Variants in IGSF10 observed in about 807,000 individuals in gnomAD.
The protein encoded by IGSF10 is calvaria mechanical force protein 608.
A neutral mutation model predicts 128.2 loss-of-function variants in IGSF10; 126 were observed. The observed-to-expected ratio is 0.98, with a 90% CI of 0.85 to 1.14. The LOEUF (loss-of-function observed/expected upper bound fraction) is 1.14. Ranked by LOEUF, IGSF10 falls within the 50% of genes most tolerant of loss-of-function variation. IGSF10 has a pLI of 0.00. For synonymous variants in IGSF10, 1,185 were observed against 1,146.2 expected, an observed-to-expected ratio of 1.03 and a Z score of -0.68; for missense variants, 3,295 against 3,149.8, an observed-to-expected ratio of 1.05 and a Z score of -1.10.
chr3:151,512,694 C>A, the IGSF10 span, among the ~76,000 whole-genome samples: 1 of 151,692 alleles, frequency 6.6e-6, no homozygotes, highest in Admixed American at 6.6e-5. Flanking sequence ...TTTGAAAGAT[C>A]AACAAAATTG....
chr3:151,588,438 AT>A, the IGSF10 span, among the ~76,000 whole-genome samples: 5 of 152,018 alleles, frequency 3.3e-5, no homozygotes, highest in African/African-American at 9.7e-5. Context: ...GCTGATACTT[AT>A]TTTTTTCCCT....
the IGSF10 span, among the ~76,000 whole-genome samples, chr3:151,490,504 C>CTTT: frequency 5.3e-5 from 3 of 56,398 alleles, no homozygotes; most frequent in African/African-American, 1.7e-4. Context: ...ATTTGAACTG[C>CTTT]ATTTTTTTTT....
the IGSF10 span, among the ~76,000 whole-genome samples, chr3:151,515,084 G>C: frequency 3.9e-4 from 60 of 152,206 alleles, no homozygotes; most frequent in East Asian, 6.4e-3. Context: ...TCTAGAACTA[G>C]AAATACCATT....
chr3:151,550,910 C>G, the IGSF10 span, among the ~76,000 whole-genome samples: 1 of 152,166 alleles, frequency 6.6e-6, no homozygotes, highest in Admixed American at 6.6e-5. Context: ...CCCGATAAAT[C>G]TGAGGCTGAT....
the IGSF10 span, among the ~76,000 whole-genome samples, chr3:151,607,634 A>G: frequency 5.3e-5 from 8 of 152,292 alleles, no homozygotes; most frequent in South Asian, 6.2e-4. Flanking sequence ...AACATGGGCC[A>G]GGCGCGGTGG....
chr3:151,446,493 G>A lies in IGSF10; in HGVS notation c.3488C>T (p.Pro1163Leu), dbSNP rs770785296. The A allele has an allele frequency of 2.0e-5, 33 of 1,614,020 alleles. No individual in the cohort carries two copies. Among genetic ancestry groups the A allele is most frequent in the Non-Finnish European group, 2.5e-5 (30 of 1,180,032 alleles). Residue 1163 changes from proline (P) to leucine (L), a missense_variant, in exon 6 of 8, where the codon CCA (proline) becomes CTA (leucine). By Grantham distance (98) the Pro-to-Leu change is moderately conservative. Coordinates refer to ENST00000282466, the MANE Select transcript of IGSF10 (RefSeq NM_178822.5). ...AGCTTCATTGGTGCTAGACACACGT[G>A]GGTAACTGGCGTTTACTTTGTGAGT... Reference protein sequence around the residue: ...EKTHKVNASYPRVSSTNEAKR... With the variant: ...EKTHKVNASYLRVSSTNEAKR...
intron 5 of IGSF10, among the ~76,000 whole-genome samples, chr3:151,449,830 A>G (rs933547548): frequency 6.6e-6 from 1 of 152,258 alleles, no homozygotes; most frequent in Admixed American, 6.5e-5. Context: ...ACAGGAATTA[A>G]GAGAAGCAGA....
At chr3:151,571,307 T>C in the IGSF10 span, among the ~76,000 whole-genome samples, 2 of 152,338 alleles carry the variant, frequency 1.3e-5, no homozygotes, top group Middle Eastern at 3.4e-3. Context: ...ATTGAATCTA[T>C]AAATTACCTT....
the IGSF10 span, among the ~76,000 whole-genome samples, chr3:151,520,293 T>C: frequency 2.0e-5 from 3 of 151,888 alleles, no homozygotes; most frequent in East Asian, 5.8e-4. Flanking sequence ...TACCAAAGTA[T>C]ATTTAAGTAA....
chr3:151,612,303 A>T, the IGSF10 span, among the ~76,000 whole-genome samples: 1 of 152,208 alleles, frequency 6.6e-6, no homozygotes, highest in African/African-American at 2.4e-5. Flanking sequence ...TGGTTCACAC[A>T]GAGTGTGAAT....
At chr3:151,525,120 G>A in the IGSF10 span, among the ~76,000 whole-genome samples, 1 of 140,700 alleles carries the variant, frequency 7.1e-6, no homozygotes, top group East Asian at 2.2e-4. Context: ...TGAGCTCTAG[G>A]GCTCAAGTGA....
At chr3:151,619,071 A>G in the IGSF10 span, among the ~76,000 whole-genome samples, 10 of 151,748 alleles carry the variant, frequency 6.6e-5, no homozygotes, top group Non-Finnish European at 1.3e-4. Flanking sequence ...TGAAGTAAAT[A>G]TGTAAATAAA....
chr3:151,568,150 C>T, the IGSF10 span, among the ~76,000 whole-genome samples: 13 of 152,100 alleles, frequency 8.5e-5, no homozygotes, highest in African/African-American at 3.1e-4. Context: ...TCTACTGCCA[C>T]AGAACATATA....
At chr3:151,590,090 G>A in the IGSF10 span, among the ~76,000 whole-genome samples, 1 of 152,124 alleles carries the variant, frequency 6.6e-6, no homozygotes, top group Non-Finnish European at 1.5e-5. Flanking sequence ...CCAGGCTGGA[G>A]TGCAGTGGTG....
chr3:151,577,229 C>T, the IGSF10 span, among the ~76,000 whole-genome samples: 1 of 152,036 alleles, frequency 6.6e-6, no homozygotes, highest in Admixed American at 6.6e-5. Flanking sequence ...CTTTTTTGAG[C>T]ATAGTCTTAT....
chr3:151,509,168 C>A, the IGSF10 span, among the ~76,000 whole-genome samples: 1 of 152,146 alleles, frequency 6.6e-6, no homozygotes, highest in Non-Finnish European at 1.5e-5. Context: ...GTAAGAATTC[C>A]TAGAGCTTTA....
chr3:151,469,217 A>G, the IGSF10 span, among the ~76,000 whole-genome samples: 1 of 152,174 alleles, frequency 6.6e-6, no homozygotes, highest in African/African-American at 2.4e-5. Context: ...ATGTATCTTT[A>G]TAATAGAATG....
At chr3:151,502,196 AC>A in the IGSF10 span, among the ~76,000 whole-genome samples, 1 of 152,088 alleles carries the variant, frequency 6.6e-6, no homozygotes, top group African/African-American at 2.4e-5. Flanking sequence ...GTGTGAAATG[AC>A]AAGTTTTATC....
At chr3:151,432,975 A>C (rs572617050), downstream of IGSF10, 112 of 551,878 alleles carry the variant, frequency 2.0e-4, 4 homozygotes, top group South Asian at 3.0e-3. Context: ...CAAAAAGCCA[A>C]GGAGAAGTTG....
Sources: gnomAD v4.1 joint callset for allele counts (sites outside exome capture counted in the v4.1 genomes callset) on GRCh38, gnomAD v4.1.1 for gene constraint, MANE v1.5 for transcripts, NCBI Gene and HGNC (gene_info 2026-07-23, HGNC 2026-07-21) for gene names.